TNFSF11: variants seen among roughly 807,000 people sequenced by gnomAD.
TNFSF11 encodes tumor necrosis factor ligand superfamily member 11.
Under a neutral mutation model 32.2 loss-of-function variants are expected in TNFSF11, and 12 were observed. The observed-to-expected ratio is 0.37, with a 90% CI of 0.24 to 0.60. The LOEUF (loss-of-function observed/expected upper bound fraction) is 0.60. TNFSF11 is among the 20% of genes least tolerant of loss of function. TNFSF11 has a pLI of 0.66. For synonymous variants in TNFSF11, 172 were observed against 152.1 expected, an observed-to-expected ratio of 1.13 and a Z score of -0.96; for missense variants, 345 against 398.0, an observed-to-expected ratio of 0.87 and a Z score of 1.13.
intron 4 of TNFSF11, among the ~76,000 whole-genome samples, chr13:42,602,474 A>T (rs1869230832): frequency 6.6e-6 from 1 of 152,232 alleles, no homozygotes; most frequent in Non-Finnish European, 1.5e-5. Context: ...TACGGCATGG[A>T]CAAGGGGGAA....
chr13:42,582,343 A>G (rs1310796511), intron 2 of TNFSF11, among the ~76,000 whole-genome samples: 3 of 152,252 alleles, frequency 2.0e-5, no homozygotes, highest in African/African-American at 7.2e-5. Flanking sequence ...AGGAAGATGT[A>G]GCTGTTTTAT....
chr13:42,581,102 G>A (rs749779937), intron 1 of TNFSF11, 24 bp from the exon 2 acceptor site: 25 of 1,613,376 alleles, frequency 1.5e-5, no homozygotes, highest in African/African-American at 2.7e-5. Context: ...GCACTCTAAC[G>A]TCCTTACTGT....
At chr13:42,564,167 G>A (rs1204178062) in intron 1 of TNFSF11, among the ~76,000 whole-genome samples, 1 of 151,952 alleles carries the variant, frequency 6.6e-6, no homozygotes, top group African/African-American at 2.4e-5. Flanking sequence ...ATATCCACAT[G>A]CTTATTTTTA....
At chr13:42,606,005 G>T (rs895989904) in intron 4 of TNFSF11, among the ~76,000 whole-genome samples, 2 of 152,176 alleles carry the variant, frequency 1.3e-5, no homozygotes, top group Non-Finnish European at 2.9e-5. Flanking sequence ...TCCTGTCTCA[G>T]TTGCCTTTGG....
Position 42,574,201 on chromosome 13 carries a change from GC to G in TNFSF11, c.-99del, listed in dbSNP as rs1266184739. 2 of 1,466,378 alleles carry G rather than the reference GC, an allele frequency of 1.4e-6. No homozygotes were observed. The highest frequency in any genetic ancestry group is 1.9e-6 in the Non-Finnish European group (2 of 1,079,082). 90.8% of individuals were successfully genotyped at this position (1,466,378 alleles called of 1,614,324 possible). A position where few individuals can be genotyped will look rare whatever the true frequency, so the allele number is the denominator to read the frequency against. Reference sequence around the variant, plus strand: ...ACCCAAAGCCGGGCTCCAAGTCGGCGCCCCACGTCGAGGCTCCGCCGCAGCC... The same window carrying G: ...ACCCAAAGCCGGGCTCCAAGTCGGCGCCCACGTCGAGGCTCCGCCGCAGCC... On this transcript the variant is annotated 5_prime_UTR_variant, in exon 1 of 5. Coordinates refer to ENST00000398795, the MANE Select transcript of TNFSF11 (RefSeq NM_003701.4).
chr13:42,569,703 A>G (rs1287975843), upstream of TNFSF11, among the ~76,000 whole-genome samples: 4 of 152,198 alleles, frequency 2.6e-5, no homozygotes, highest in Non-Finnish European at 4.4e-5. Flanking sequence ...GGTGACTTCT[A>G]GAAGATGGAT....
Position 42,606,535 on chromosome 13 carries a change from C to T in TNFSF11, c.571C>T (p.Arg191Trp), listed in dbSNP as rs779363839. 3.7e-6 allele frequency: 6 copies of T among 1,614,046 alleles called. No homozygotes were observed. Among genetic ancestry groups the T allele is most frequent in the South Asian group, 3.3e-5 (3 of 91,074 alleles). The change falls in exon 5 of 5, where the codon CGG becomes TGG. Residue 191 changes from arginine (R) to tryptophan (W), a missense_variant. Arg to Trp is a moderately radical substitution (Grantham distance 101). This residue lies in a region of TNFSF11 where 148 missense variants were observed against 216.0 expected (regional missense o/e 0.69). Coordinates refer to ENST00000398795, the MANE Select transcript of TNFSF11 (RefSeq NM_003701.4). ...GAGTCTGTCCTCTTGGTACCATGAT[C>T]GGGGTTGGGCCAAGATCTCCAACAT... is the stretch of plus-strand genomic sequence containing the variant. ...KVSLSSWYHD[R>W]GWAKISNMTF... is the part of the protein sequence containing the mutation.
At chr13:42,574,011 A>C (rs888231918), upstream of TNFSF11, 5 of 479,304 alleles carry the variant, frequency 1.0e-5, no homozygotes, top group African/African-American at 1.0e-4. Context: ...TCAGTGACAG[A>C]GATTGAGAGA....
chr13:42,590,006 G>T (rs1874089771), intron 2 of TNFSF11, among the ~76,000 whole-genome samples: 1 of 152,224 alleles, frequency 6.6e-6, no homozygotes. Flanking sequence ...GTGGGGGTAG[G>T]TGCCCCTCCT....
At chr13:42,576,865 G>A (rs760062292) in intron 1 of TNFSF11, among the ~76,000 whole-genome samples, 3 of 152,232 alleles carry the variant, frequency 2.0e-5, no homozygotes, top group Non-Finnish European at 4.4e-5. Flanking sequence ...CCATACATTG[G>A]TAATAGCTGA....
intron 1 of TNFSF11, 65 bp from the exon 2 acceptor site, chr13:42,581,061 C>T: frequency 6.4e-7 from 1 of 1,574,102 alleles, no homozygotes; most frequent in Non-Finnish European, 8.7e-7. Flanking sequence ...TTAAGTCACA[C>T]TGTATTAAAT....
At position 42,600,879 on chromosome 13, in the gene TNFSF11, C is replaced by G. The variant is rs1256602955; in HGVS notation, c.434-4C>G. ...TATAATAATATGGTTTCTCTCATCT[C>G]CAGCGATGGTGGATGGCTCATGGTT... On this transcript the variant is annotated splice_region_variant and splice_polypyrimidine_tract_variant and intron_variant, in intron 3 of 4. Coordinates refer to ENST00000398795, the MANE Select transcript of TNFSF11 (RefSeq NM_003701.4). The G allele has an allele frequency of 1.2e-6, 2 of 1,614,018 alleles. No homozygotes were observed. Among genetic ancestry groups the G allele is most frequent in the African/African-American group, 2.7e-5 (2 of 74,922 alleles).
intron 2 of TNFSF11, among the ~76,000 whole-genome samples, chr13:42,583,598 C>A (rs1459684627): frequency 1.3e-5 from 2 of 151,702 alleles, no homozygotes; most frequent in Non-Finnish European, 2.9e-5. Context: ...TGTTTAAAAT[C>A]CATTAGAAAA....
At position 42,585,552 on chromosome 13, in the gene TNFSF11, A is replaced by G. The variant is rs573993982; in HGVS notation, c.387+4259A>G. 3.3e-5 allele frequency among the ~76,000 whole-genome samples: 5 copies of G among 152,334 alleles called. No individual in the cohort carries two copies. The East Asian group carries it at 7.7e-4, about 23-fold the overall frequency. ...CTACCAACCACAATTTATAAAGTCT[A>G]TCATAACAGTCTATGACAATAAAGA... On this transcript the variant is annotated intron_variant, in intron 2 of 4. Coordinates refer to ENST00000398795, the MANE Select transcript of TNFSF11 (RefSeq NM_003701.4).
intron 2 of TNFSF11, among the ~76,000 whole-genome samples, chr13:42,595,937 A>G (rs989815440): frequency 6.6e-6 from 1 of 152,266 alleles, no homozygotes; most frequent in Non-Finnish European, 1.5e-5. Context: ...ACTCTAATTA[A>G]TCTGACAGAT....
chr13:42,592,472 C>T (rs557090632), intron 2 of TNFSF11, among the ~76,000 whole-genome samples: 11 of 152,346 alleles, frequency 7.2e-5, no homozygotes, highest in South Asian at 4.1e-4. Context: ...TGGAGAGGGT[C>T]GTGGAGCCTC....
Position 42,565,761 on chromosome 13 carries a change from G to A in TNFSF11, c.-301-860G>A, listed in dbSNP as rs138030370. ...TAGGCTGCTGAGTGGTTTCAAGAGG[G>A]GAAGTTATACATCCAGTTGTTCGTG... On this transcript the variant is annotated intron_variant, in intron 1 of 6. Coordinates refer to the TNFSF11 transcript ENST00000358545. Among the ~76,000 whole-genome samples, 747 of 152,248 alleles carry A rather than the reference G, an allele frequency of 4.9e-3. 2 individuals carry two copies. The highest frequency in any genetic ancestry group is 6.8e-3 in the Middle Eastern group (2 of 294).
At chr13:42,597,340 CTTTTTTTTT>C (rs774612741) in intron 2 of TNFSF11, among the ~76,000 whole-genome samples, 3 of 125,760 alleles carry the variant, frequency 2.4e-5, no homozygotes, top group South Asian at 2.6e-4. Flanking sequence ...GCCTTTTGTT[CTTTTTTTTT>C]TTTTTTTTTT....
chr13:42,607,037 C>A lies in TNFSF11; in HGVS notation c.*119C>A, dbSNP rs200387399. On this transcript the variant is annotated 3_prime_UTR_variant, in exon 5 of 5. Transcript: ENST00000398795. ...TAAGAGGCATGGCCCCAACGGTACA[C>A]GACTCAGTATCCATGCTCTTGACCT... 1.6e-6 allele frequency: 2 copies of A among 1,265,938 alleles called. No homozygotes were observed. The highest frequency in any genetic ancestry group is 1.3e-5 in the South Asian group (1 of 78,064). 78.4% of individuals were successfully genotyped at this position (1,265,938 alleles called of 1,614,324 possible).
Sources: gnomAD v4.1 joint callset for allele counts (sites outside exome capture counted in the v4.1 genomes callset) on GRCh38, gnomAD v4.1.1 for gene constraint, gnomAD v4.1.1 regional missense constraint, MANE v1.5 for transcripts, NCBI Gene and HGNC (gene_info 2026-07-23, HGNC 2026-07-21) for gene names.